The following FOXP1 variants were observed in gnomAD, a reference collection of about 807,000 sequenced individuals.
FOXP1 encodes the protein forkhead box P1, also known as forkhead box protein P1.
FOXP1 carries 15 observed loss-of-function variants against 98.2 expected under a neutral mutation model. That is an observed-to-expected ratio of 0.15 (90% confidence interval 0.10 to 0.24). The LOEUF (loss-of-function observed/expected upper bound fraction) is 0.24. FOXP1 is among the 10% of genes least tolerant of loss of function. The probability of loss-of-function intolerance (pLI) is 1.00; values close to 1 mark genes in which losing one functional copy is unlikely to be tolerated. For synonymous variants in FOXP1, 371 were observed against 314.5 expected, an observed-to-expected ratio of 1.18 and a Z score of -1.90; for missense variants, 633 against 848.5, an observed-to-expected ratio of 0.75 and a Z score of 3.15.
chr3:70,973,486 A>G (rs1235845228), intron 17 of FOXP1, among the ~76,000 whole-genome samples: 1 of 152,132 alleles, frequency 6.6e-6, no homozygotes, highest in African/African-American at 2.4e-5. Flanking sequence ...AACATCGATA[A>G]TTTATCAAAA....
chr3:71,467,939 A>G (rs2088939513), intron 3 of FOXP1, among the ~76,000 whole-genome samples: 5 of 152,186 alleles, frequency 3.3e-5, no homozygotes, highest in Admixed American at 3.3e-4. Context: ...ACAGATTCCA[A>G]TATGTTACAA....
chr3:71,467,220 CAT>C (rs1433579271), intron 3 of FOXP1, among the ~76,000 whole-genome samples: 3 of 152,194 alleles, frequency 2.0e-5, no homozygotes, highest in African/African-American at 7.2e-5. Flanking sequence ...TATATATACA[CAT>C]ACATATATAC....
At chr3:71,207,910 A>T (rs2064167781) in intron 5 of FOXP1, among the ~76,000 whole-genome samples, 1 of 152,212 alleles carries the variant, frequency 6.6e-6, no homozygotes, top group Admixed American at 6.5e-5. Flanking sequence ...TGCTTTACTT[A>T]ACTAGAAATG....
intron 3 of FOXP1, among the ~76,000 whole-genome samples, chr3:71,395,188 C>G (rs1324963271): frequency 6.7e-6 from 1 of 149,752 alleles, no homozygotes; most frequent in African/African-American, 2.5e-5. Flanking sequence ...GAGACTGTTT[C>G]ACTGATTCTA....
chr3:71,369,217 G>A (rs1343782437), intron 3 of FOXP1, among the ~76,000 whole-genome samples: 8 of 151,972 alleles, frequency 5.3e-5, no homozygotes, highest in Non-Finnish European at 8.8e-5. Flanking sequence ...GTGAAACCCC[G>A]TCTCTACTAA....
At chr3:71,347,944 G>A (rs983634425) in intron 4 of FOXP1, among the ~76,000 whole-genome samples, 3 of 151,586 alleles carry the variant, frequency 2.0e-5, no homozygotes, top group African/African-American at 4.9e-5. Flanking sequence ...CAAGAGCCCC[G>A]GTGGATGCCC....
intron 6 of FOXP1, among the ~76,000 whole-genome samples, chr3:71,180,462 C>A (rs879558866): frequency 4.0e-4 from 61 of 151,632 alleles, no homozygotes; most frequent in Non-Finnish European, 8.2e-4. Flanking sequence ...AAAATGCAGG[C>A]ACAAGAATTT....
intron 3 of FOXP1, among the ~76,000 whole-genome samples, chr3:71,389,199 C>G (rs955364680): frequency 7.6e-6 from 1 of 131,552 alleles, no homozygotes; most frequent in Non-Finnish European, 1.5e-5. Context: ...AGTGAGGCCT[C>G]CAATCAATTA....
chr3:71,191,124 T>C (rs545714451), intron 6 of FOXP1, among the ~76,000 whole-genome samples: 1 of 152,108 alleles, frequency 6.6e-6, no homozygotes, highest in South Asian at 2.1e-4. Flanking sequence ...AGGTTTACAT[T>C]ATATAAACAT....
intron 3 of FOXP1, among the ~76,000 whole-genome samples, chr3:71,452,893 C>T (rs1220658843): frequency 1.3e-5 from 2 of 152,156 alleles, no homozygotes; most frequent in Admixed American, 6.5e-5. Context: ...TTACTACTTA[C>T]AAGAGTGCTT....
chr3:71,461,846 C>T (rs112208457), intron 3 of FOXP1, among the ~76,000 whole-genome samples: 5,020 of 151,798 alleles, frequency 0.033, 252 homozygotes, highest in African/African-American at 0.11. Flanking sequence ...CTTACAGGGA[C>T]CACAGGTCTC....
intron 17 of FOXP1, among the ~76,000 whole-genome samples, chr3:70,973,425 T>C (rs756724141): frequency 2.0e-5 from 3 of 152,216 alleles, no homozygotes; most frequent in Non-Finnish European, 4.4e-5. Context: ...TGCAGACATA[T>C]CTTGCTTATG....
chr3:71,005,923 A>G (rs1255183918), intron 12 of FOXP1, among the ~76,000 whole-genome samples: 2 of 152,112 alleles, frequency 1.3e-5, no homozygotes, highest in African/African-American at 4.8e-5. Flanking sequence ...TGGCTGCGGA[A>G]AAACAAGATC....
At chr3:71,366,564 TG>T (rs756438176) in intron 3 of FOXP1, among the ~76,000 whole-genome samples, 1 of 152,252 alleles carries the variant, frequency 6.6e-6, no homozygotes, top group Non-Finnish European at 1.5e-5. Flanking sequence ...TAGAATTTTT[TG>T]TATTCTCTAG....
chr3:71,262,686 C>T (rs2069275208), intron 5 of FOXP1, among the ~76,000 whole-genome samples: 1 of 152,176 alleles, frequency 6.6e-6, no homozygotes, highest in South Asian at 2.1e-4. Flanking sequence ...TCCGTATTTA[C>T]CCAGCTCATC....
Position 71,581,705 on chromosome 3 carries a change from C to G in FOXP1, c.-446-8G>C. 1.0e-6 allele frequency: 1 copy of G among 985,786 alleles called. No individual in the cohort carries two copies. Among genetic ancestry groups the G allele is most frequent in the Non-Finnish European group, 1.2e-6 (1 of 830,148 alleles). The allele number at this position is 985,786 out of a possible 1,614,324, so 61.1% of individuals were successfully genotyped here. On this transcript the variant is annotated splice_region_variant and splice_polypyrimidine_tract_variant and intron_variant, in intron 1 of 20. Coordinates refer to ENST00000649528, the MANE Select transcript of FOXP1 (RefSeq NM_001349338.3). ...CTTACAAACTTTCGGGTTCTGCAGT[C>G]GACAAGAAACCGGGGCGACCCTCAG...
intron 5 of FOXP1, among the ~76,000 whole-genome samples, chr3:71,275,461 C>T (rs1033852762): frequency 3.3e-5 from 5 of 152,172 alleles, no homozygotes; most frequent in African/African-American, 1.2e-4. Flanking sequence ...GAGTCAACAA[C>T]CCTAAGAGCT....
At chr3:70,972,819 T>C in intron 17 of FOXP1, 143 bp from the exon 18 acceptor site, 2 of 767,974 alleles carry the variant, frequency 2.6e-6, no homozygotes, top group Non-Finnish European at 4.1e-6. Context: ...GACCTTCTCA[T>C]GGTTAAGGAT....
intron 5 of FOXP1, among the ~76,000 whole-genome samples, chr3:71,290,125 A>G (rs1247006984): frequency 2.3e-4 from 35 of 152,036 alleles, no homozygotes. Flanking sequence ...CATATCTACA[A>G]CTACATTCCT....
Sources: allele counts gnomAD v4.1 joint callset (sites outside exome capture counted in the v4.1 genomes callset), GRCh38; gene constraint gnomAD v4.1.1; transcripts MANE v1.5; gene names NCBI Gene and HGNC (gene_info 2026-07-23, HGNC 2026-07-21).